The following GPC5 variants were observed in gnomAD, a reference collection of about 807,000 sequenced individuals.
GPC5 encodes glypican-5.
Under a neutral mutation model 53.9 loss-of-function variants are expected in GPC5, and 47 were observed. The ratio of observed to expected loss-of-function variants is 0.87; its 90% CI spans 0.69 to 1.11. GPC5 has a LOEUF of 1.11. Among genes scored for constraint, GPC5 ranks in the 50% most tolerant of loss-of-function variants. The probability of loss-of-function intolerance (pLI) is 0.00; values close to 1 mark genes in which losing one functional copy is unlikely to be tolerated. For missense variants in GPC5, 748 were observed against 713.1 expected (o/e 1.05, Z -0.56); for synonymous variants, 286 against 263.3 (o/e 1.09, Z -0.84).
intron 7 of GPC5, among the ~76,000 whole-genome samples, chr13:92,859,943 C>T (rs1879124464): frequency 6.6e-6 from 1 of 151,998 alleles, no homozygotes; most frequent in Admixed American, 6.6e-5. Context: ...AAACAATATT[C>T]CCTTCATCTT....
At chr13:91,941,997 G>C (rs2139046485) in intron 6 of GPC5, among the ~76,000 whole-genome samples, 1 of 152,144 alleles carries the variant, frequency 6.6e-6, no homozygotes, top group African/African-American at 2.4e-5. Context: ...GTGAATTAAT[G>C]TATCCATCAC....
chr13:92,299,231 T>C lies in GPC5; in HGVS notation c.1561+154242T>C, dbSNP rs1178314828. On this transcript the variant is annotated intron_variant, in intron 7 of 7. Transcript: ENST00000377067. ...TTACAACAAAGATCTTTATGGATATTGATTTTTAAAGACATAGTTCAGAAA... is the reference window on the plus strand; with the variant it reads ...TTACAACAAAGATCTTTATGGATATCGATTTTTAAAGACATAGTTCAGAAA... 2.0e-5 allele frequency among the ~76,000 whole-genome samples: 3 copies of C among 152,344 alleles called. No homozygotes were observed. The East Asian group carries it at 5.8e-4, about 29-fold the overall frequency.
intron 6 of GPC5, among the ~76,000 whole-genome samples, chr13:92,084,232 C>T (rs2041318936): frequency 1.3e-5 from 2 of 152,170 alleles, no homozygotes; most frequent in Non-Finnish European, 2.9e-5. Context: ...CACACGTTTA[C>T]CTATGTAACA....
intron 7 of GPC5, among the ~76,000 whole-genome samples, chr13:92,514,083 T>A (rs546124234): frequency 5.3e-4 from 80 of 151,930 alleles, no homozygotes; most frequent in African/African-American, 1.9e-3. Context: ...TAAAAAAATA[T>A]AAAAACTAAA....
chr13:91,501,947 G>A (rs1884661535), intron 2 of GPC5, among the ~76,000 whole-genome samples: 3 of 152,238 alleles, frequency 2.0e-5, no homozygotes, highest in Admixed American at 6.5e-5. Flanking sequence ...TTTAACTGGT[G>A]TGAGATGGTA....
At chr13:91,697,911 T>C (rs1235480705) in intron 3 of GPC5, among the ~76,000 whole-genome samples, 3 of 151,290 alleles carry the variant, frequency 2.0e-5, no homozygotes, top group Non-Finnish European at 4.4e-5. Context: ...TTCTTTTTTT[T>C]TTTTTTTTGA....
At chr13:92,638,369 G>A (rs1302467560) in intron 7 of GPC5, among the ~76,000 whole-genome samples, 1 of 152,118 alleles carries the variant, frequency 6.6e-6, no homozygotes, top group Admixed American at 6.5e-5. Flanking sequence ...AAGGTGAGAT[G>A]GCTGAAAAGA....
intron 7 of GPC5, among the ~76,000 whole-genome samples, chr13:92,632,517 TAC>T (rs542362175): frequency 2.0e-5 from 3 of 147,312 alleles, no homozygotes; most frequent in Admixed American, 6.8e-5. Flanking sequence ...CACATATACA[TAC>T]ACACACACAA....
At chr13:92,797,390 C>A (rs1415973340) in intron 7 of GPC5, among the ~76,000 whole-genome samples, 1 of 151,856 alleles carries the variant, frequency 6.6e-6, no homozygotes, top group African/African-American at 2.4e-5. Context: ...ATTTCCTCAT[C>A]TTTAACATAA....
At chr13:92,438,038 C>T (rs1363947820) in intron 7 of GPC5, among the ~76,000 whole-genome samples, 1 of 151,938 alleles carries the variant, frequency 6.6e-6, no homozygotes, top group Non-Finnish European at 1.5e-5. Flanking sequence ...CATGATATTG[C>T]AACATGCTCA....
At chr13:91,687,489 A>G (rs1227399804) in intron 2 of GPC5, among the ~76,000 whole-genome samples, 1 of 152,030 alleles carries the variant, frequency 6.6e-6, no homozygotes, top group Non-Finnish European at 1.5e-5. Context: ...GATAAACTTC[A>G]TGCATTCCAA....
At chr13:92,207,544 TCTC>T (rs376113160) in intron 7 of GPC5, among the ~76,000 whole-genome samples, 43 of 152,238 alleles carry the variant, frequency 2.8e-4, no homozygotes, top group African/African-American at 1.0e-3. Context: ...CACCTCTACT[TCTC>T]CTGATCCTCC....
chr13:92,495,826 G>A (rs980629343), intron 7 of GPC5, among the ~76,000 whole-genome samples: 2 of 151,904 alleles, frequency 1.3e-5, no homozygotes, highest in African/African-American at 4.8e-5. Flanking sequence ...TTTTCAACCT[G>A]TGTAAACCCC....
chr13:91,894,918 A>G (rs940485380), intron 5 of GPC5, among the ~76,000 whole-genome samples: 4 of 152,176 alleles, frequency 2.6e-5, no homozygotes, highest in East Asian at 1.9e-4. Flanking sequence ...AAACTAGAGT[A>G]CTGAAGCCAG....
chr13:92,361,876 C>A (rs144640823), intron 7 of GPC5, among the ~76,000 whole-genome samples: 1 of 151,604 alleles, frequency 6.6e-6, no homozygotes, highest in South Asian at 2.1e-4. Context: ...CTTTACCTGA[C>A]TGGATGATAG....
intron 6 of GPC5, among the ~76,000 whole-genome samples, chr13:92,006,806 T>C (rs1326178130): frequency 6.6e-6 from 1 of 152,108 alleles, no homozygotes; most frequent in African/African-American, 2.4e-5. Flanking sequence ...ATTCTTTGCC[T>C]AATTTTGTGA....
intron 7 of GPC5, among the ~76,000 whole-genome samples, chr13:92,481,455 G>C (rs1023133193): frequency 6.6e-6 from 1 of 152,118 alleles, no homozygotes; most frequent in African/African-American, 2.4e-5. Flanking sequence ...GCAGCAATGG[G>C]AAACTAACAA....
intron 7 of GPC5, among the ~76,000 whole-genome samples, chr13:92,325,025 T>C (rs967780742): frequency 3.3e-5 from 5 of 151,700 alleles, no homozygotes; most frequent in Non-Finnish European, 7.4e-5. Context: ...GTAAAATATG[T>C]TATATGTTTG....
rs1363897344 is a variant in GPC5 at position 91,693,722 on chromosome 13, G to A, written c.861G>A (p.Glu287=). The change falls in exon 3 of 8, where the codon GAG becomes GAA. Residue 287 remains glutamate (E), a synonymous_variant. Coordinates refer to ENST00000377067, the MANE Select transcript of GPC5 (RefSeq NM_004466.6). ...VMRGCLAHMA[E]LNPHWHAYIR... The stretch of plus-strand genomic sequence containing the variant: ...GAGGCTGCCTGGCGCACATGGCGGA[G>A]CTTAATCCACACTGGCATGCATATA... 1 of 1,614,174 alleles carries A rather than the reference G, an allele frequency of 6.2e-7. No individual in the cohort carries two copies. Among genetic ancestry groups the A allele is most frequent in the Admixed American group, 1.7e-5 (1 of 60,030 alleles).
Sources: gnomAD v4.1 joint callset for allele counts (sites outside exome capture counted in the v4.1 genomes callset) on GRCh38, gnomAD v4.1.1 for gene constraint, MANE v1.5 for transcripts, NCBI Gene and HGNC (gene_info 2026-07-23, HGNC 2026-07-21) for gene names.